HTR7: variants seen among roughly 807,000 people sequenced by gnomAD.
The protein encoded by HTR7 is 5-hydroxytryptamine receptor 7.
Under a neutral mutation model 34.0 loss-of-function variants are expected in HTR7, and 16 were observed. The observed-to-expected ratio is 0.47, with a 90% CI of 0.32 to 0.71. The LOEUF is 0.71. Ranked by LOEUF, HTR7 falls within the 30% of genes least tolerant of loss-of-function variation. The pLI is 0.04. For missense variants in HTR7, 504 were observed against 625.5 expected (o/e 0.81, Z 2.07); for synonymous variants, 265 against 260.2 (o/e 1.02, Z -0.18).
chr10:90,823,798 T>A (rs971340426), intron 1 of HTR7, among the ~76,000 whole-genome samples: 1 of 152,176 alleles, frequency 6.6e-6, no homozygotes, highest in Admixed American at 6.5e-5. Context: ...GCTGTTCTCA[T>A]GATAGAGTTC....
intron 1 of HTR7, among the ~76,000 whole-genome samples, chr10:90,811,715 G>A (rs1044073012): frequency 1.4e-4 from 21 of 151,976 alleles, no homozygotes; most frequent in South Asian, 4.2e-4. Context: ...ATTTGCCCCC[G>A]CCCAGGACTG....
chr10:90,832,236 G>A (rs963804001), intron 1 of HTR7, among the ~76,000 whole-genome samples: 2 of 152,188 alleles, frequency 1.3e-5, no homozygotes, highest in South Asian at 2.1e-4. Context: ...GGTGGCACTC[G>A]TCGGAGAGGC....
At chr10:90,822,239 A>G (rs1845995413) in intron 1 of HTR7, among the ~76,000 whole-genome samples, 1 of 152,236 alleles carries the variant, frequency 6.6e-6, no homozygotes, top group Non-Finnish European at 1.5e-5. Flanking sequence ...GCTGAAAGTG[A>G]TATAAAGAAT....
At chr10:90,831,490 G>A (rs1198563419) in intron 1 of HTR7, among the ~76,000 whole-genome samples, 2 of 152,198 alleles carry the variant, frequency 1.3e-5, no homozygotes, top group Non-Finnish European at 2.9e-5. Flanking sequence ...TAAAAGCAGT[G>A]TGGACCCAAA....
chr10:90,825,293 C>T (rs537968428), intron 1 of HTR7, among the ~76,000 whole-genome samples: 100 of 152,256 alleles, frequency 6.6e-4, no homozygotes, highest in African/African-American at 1.6e-3. Context: ...ACAAGGCTGC[C>T]GCCTAATGCA....
intron 1 of HTR7, among the ~76,000 whole-genome samples, chr10:90,833,615 T>C (rs1377939286): frequency 6.6e-6 from 1 of 152,224 alleles, no homozygotes; most frequent in African/African-American, 2.4e-5. Flanking sequence ...GGGGAGTTGT[T>C]AATGGCTTTT....
chr10:90,746,158 G>A (rs1225049641), intron 2 of HTR7, among the ~76,000 whole-genome samples: 2 of 152,160 alleles, frequency 1.3e-5, no homozygotes, highest in African/African-American at 4.8e-5. Flanking sequence ...GAATGGAAAT[G>A]AAGAAAACTA....
At chr10:90,823,762 C>A (rs1846024853) in intron 1 of HTR7, among the ~76,000 whole-genome samples, 1 of 152,142 alleles carries the variant, frequency 6.6e-6, no homozygotes, top group South Asian at 2.1e-4. Flanking sequence ...GGAGTTGATT[C>A]AATTATGGGG....
Position 90,749,930 on chromosome 10 carries a change from G to T in HTR7, c.540-336C>A, listed in dbSNP as rs374769751. Among the ~76,000 whole-genome samples, 24 of 152,156 alleles carry T rather than the reference G, an allele frequency of 1.6e-4. 1 individual carries two copies. The East Asian group carries it at 4.4e-3, about 28-fold the overall frequency. ...TGACCACAGCCACCAAAATCAACCAGGACAACATATCAACTCTGATGTAGG... is the reference window on the plus strand; with the variant it reads ...TGACCACAGCCACCAAAATCAACCATGACAACATATCAACTCTGATGTAGG... On this transcript the variant is annotated intron_variant, in intron 1 of 3. Coordinates refer to ENST00000336152, the MANE Select transcript of HTR7 (RefSeq NM_019859.4). This position sits in a 1 kb window ranked among gnomAD's most constrained non-coding sequence, Gnocchi z 4.2.
intron 1 of HTR7, 136 bp downstream of exon 1, chr10:90,856,997 G>C: frequency 1.3e-6 from 1 of 763,492 alleles, no homozygotes. Flanking sequence ...GTGGATTGGG[G>C]GGAGCGGTGT....
chr10:90,809,361 C>A (rs578132238), intron 1 of HTR7, among the ~76,000 whole-genome samples: 16 of 152,256 alleles, frequency 1.1e-4, no homozygotes, highest in African/African-American at 3.9e-4. Flanking sequence ...TATAAAAATC[C>A]AGCCCAGTTC....
At chr10:90,837,937 C>T (rs1445236311) in intron 1 of HTR7, among the ~76,000 whole-genome samples, 1 of 152,210 alleles carries the variant, frequency 6.6e-6, no homozygotes, top group African/African-American at 2.4e-5. Flanking sequence ...ACACTTTCCC[C>T]TTAATTTCCA....
intron 1 of HTR7, among the ~76,000 whole-genome samples, chr10:90,811,920 G>A (rs1191955475): frequency 6.6e-6 from 1 of 150,576 alleles, no homozygotes; most frequent in East Asian, 1.9e-4. Context: ...TAACAGACCA[G>A]CCTTTATTAG....
At chr10:90,854,170 A>G (rs1336654661) in intron 1 of HTR7, among the ~76,000 whole-genome samples, 1 of 152,242 alleles carries the variant, frequency 6.6e-6, no homozygotes, top group African/African-American at 2.4e-5. Flanking sequence ...GTTTGCCAAC[A>G]TGGCAAAACC....
chr10:90,773,420 A>G (rs1350822987), intron 1 of HTR7, among the ~76,000 whole-genome samples: 1 of 152,046 alleles, frequency 6.6e-6, no homozygotes, highest in Non-Finnish European at 1.5e-5. Context: ...CATCATGGAC[A>G]ATGAAGTGTC....
chr10:90,823,560 T>G (rs564014057), intron 1 of HTR7, among the ~76,000 whole-genome samples: 3 of 152,312 alleles, frequency 2.0e-5, no homozygotes, highest in African/African-American at 7.2e-5. Context: ...GACTTTGGAC[T>G]TGGACTTTTG....
At chr10:90,786,067 T>C (rs1043416723) in intron 1 of HTR7, among the ~76,000 whole-genome samples, 1 of 152,238 alleles carries the variant, frequency 6.6e-6, no homozygotes, top group Non-Finnish European at 1.5e-5. Context: ...TTTCTTGGGA[T>C]GGAACTTCCT....
intron 1 of HTR7, among the ~76,000 whole-genome samples, chr10:90,766,470 T>TA (rs370113644): frequency 0.012 from 1,784 of 152,328 alleles, 34 homozygotes; most frequent in African/African-American, 0.04. Context: ...TCTTATTTTT[T>TA]ATCCATTCAG....
chr10:90,819,635 C>T (rs891879630), intron 1 of HTR7, among the ~76,000 whole-genome samples: 4 of 152,172 alleles, frequency 2.6e-5, no homozygotes, highest in Non-Finnish European at 2.9e-5. Flanking sequence ...TAATTGTCCT[C>T]TTGGTTTCTG....
Sources: allele counts gnomAD v4.1 joint callset (sites outside exome capture counted in the v4.1 genomes callset), GRCh38; gene constraint gnomAD v4.1.1; non-coding constraint Gnocchi (gnomAD v3.1); transcripts MANE v1.5; gene names NCBI Gene and HGNC (gene_info 2026-07-23, HGNC 2026-07-21).